The following WDR59 variants were observed in gnomAD, a reference collection of about 807,000 sequenced individuals.
WDR59 encodes WD repeat domain 59, also known as GATOR2 complex protein WDR59.
A neutral mutation model predicts 131.2 loss-of-function variants in WDR59; 100 were observed. That is an observed-to-expected ratio of 0.76 (90% CI 0.65 to 0.90). The LOEUF (loss-of-function observed/expected upper bound fraction) is 0.90. WDR59 is among the 40% of genes least tolerant of loss of function. The pLI is 0.00. For synonymous variants in WDR59, 601 were observed against 466.2 expected (o/e 1.29, Z -3.72); for missense variants, 1,203 against 1,262.2 (o/e 0.95, Z 0.71).
At chr16:74,905,927 C>T (rs1965786022) in intron 17 of WDR59, among the ~76,000 whole-genome samples, 1 of 152,066 alleles carries the variant, frequency 6.6e-6, no homozygotes, top group East Asian at 1.9e-4. Flanking sequence ...AAATACTTAA[C>T]AAGCACATCA....
chr16:74,943,694 G>A (rs1338920957), intron 6 of WDR59, among the ~76,000 whole-genome samples: 1 of 152,132 alleles, frequency 6.6e-6, no homozygotes, highest in Admixed American at 6.6e-5. Context: ...CATTACTGCT[G>A]TGACACCTGT....
At position 74,893,829 on chromosome 16, in the gene WDR59, G is replaced by C. The variant is rs373059565; in HGVS notation, c.1867-17C>G. On this transcript the variant is annotated splice_polypyrimidine_tract_variant and intron_variant, in intron 18 of 25. Transcript: ENST00000262144. Reference sequence around the variant, plus strand: ...TCTTGATTTCTAGGGGTAGATGACAGGATGTAACTAATGGGGACTTTGACA... The same window carrying C: ...TCTTGATTTCTAGGGGTAGATGACACGATGTAACTAATGGGGACTTTGACA... 166 of 1,612,964 alleles carry C rather than the reference G, an allele frequency of 1.0e-4. No individual in the cohort carries two copies. The highest frequency in any genetic ancestry group is 3.3e-4 in the Middle Eastern group (2 of 6,084).
At chr16:74,955,684 T>C in intron 3 of WDR59, among the ~76,000 whole-genome samples, 1 of 152,154 alleles carries the variant, frequency 6.6e-6, no homozygotes, top group East Asian at 1.9e-4. Flanking sequence ...GCTCAGTTGC[T>C]TTCCTTCTGC....
At chr16:74,915,770 G>C in intron 13 of WDR59, 100 bp downstream of exon 13, 1 of 1,544,064 alleles carries the variant, frequency 6.5e-7, no homozygotes, top group Non-Finnish European at 8.9e-7. Context: ...TTCTGTTAAA[G>C]CTGCAAAGCT....
chr16:74,903,978 A>C lies in WDR59; in HGVS notation c.1835T>G (p.Val612Gly), dbSNP rs1336646671. 1 of 1,610,120 alleles carries C rather than the reference A, an allele frequency of 6.2e-7. No individual in the cohort carries two copies. The highest frequency in any genetic ancestry group is 1.7e-5 in the Admixed American group (1 of 59,670). Residue 612 changes from valine (V) to glycine (G), a missense_variant, in exon 18 of 26, where the codon GTC becomes GGC. Coordinates refer to ENST00000262144, the MANE Select transcript of WDR59 (RefSeq NM_030581.4). The part of the protein sequence containing the change: ...GSPTRSEKEQ[V>G]SISSFYYKER... ...CTTGTAGTAGAAGGAGCTGATGGAGACCTGCTCTTTCTCGCTGCGAGTGGG... is the reference window on the plus strand; with the variant it reads ...CTTGTAGTAGAAGGAGCTGATGGAGCCCTGCTCTTTCTCGCTGCGAGTGGG...
At chr16:74,901,594 G>A (rs1411572932) in intron 18 of WDR59, among the ~76,000 whole-genome samples, 1 of 150,930 alleles carries the variant, frequency 6.6e-6, no homozygotes, top group Admixed American at 6.6e-5. Context: ...AGTGAGCCAT[G>A]TTCACACCAC....
rs1430260946 is a variant in WDR59, at chr16:74,918,099, T to C, written c.887-91A>G. ...AAATGGAGTGAGATTCATCCATCCA[T>C]TCAACAAACATCTACTGAACATTTC... On this transcript the variant is annotated intron_variant, in intron 10 of 25. Transcript: ENST00000262144. The C allele has an allele frequency of 8.8e-6, 11 of 1,249,930 alleles. No individual in the cohort carries two copies. In the East Asian group the frequency reaches 2.3e-4, roughly 27 times the overall value. The allele number at this position is 1,249,930 out of a possible 1,614,324, so 77.4% of individuals were successfully genotyped here. A position where few individuals can be genotyped will look rare whatever the true frequency, so the allele number is the denominator to read the frequency against.
chr16:74,907,260 T>G (rs901008042), intron 17 of WDR59, among the ~76,000 whole-genome samples: 1 of 152,176 alleles, frequency 6.6e-6, no homozygotes, highest in African/African-American at 2.4e-5. Flanking sequence ...ATAACTGATA[T>G]GGTTAGGCTT....
At chr16:74,892,284 C>A (rs1261016156) in intron 20 of WDR59, among the ~76,000 whole-genome samples, 200 bp downstream of exon 20, 3 of 152,140 alleles carry the variant, frequency 2.0e-5, no homozygotes, top group African/African-American at 7.2e-5. Flanking sequence ...GCTTTAGGAC[C>A]TTCCCAACTG....
chr16:74,972,495 C>A (rs1041938608), intron 1 of WDR59, among the ~76,000 whole-genome samples: 2 of 152,062 alleles, frequency 1.3e-5, no homozygotes, highest in African/African-American at 4.8e-5. Context: ...TAGCCTGGTG[C>A]AGCAGAAACG....
At chr16:74,969,322 G>C (rs2145208066) in intron 1 of WDR59, among the ~76,000 whole-genome samples, 1 of 152,298 alleles carries the variant, frequency 6.6e-6, no homozygotes, top group East Asian at 1.9e-4. Context: ...ACCCAGGCTG[G>C]AGTGCAATGG....
chr16:74,910,503 T>G (rs886608360), intron 14 of WDR59, among the ~76,000 whole-genome samples: 1 of 152,198 alleles, frequency 6.6e-6, no homozygotes, highest in African/African-American at 2.4e-5. Context: ...TTCTTTCTAG[T>G]GAACTCTGCC....
chr16:74,893,684 C>A lies in WDR59; in HGVS notation c.1995G>T (p.Leu665=), dbSNP rs748707497. 1.9e-6 allele frequency: 3 copies of A among 1,613,742 alleles called. No homozygotes were observed. The African/African-American group carries it at 4.0e-5, about 22-fold the overall frequency. Reference sequence around the variant, plus strand: ...ACTTGAAATTTTGTACTTACATGTACAGCTCTCCCAGCGATTTGTGAACAG... The same window carrying A: ...ACTTGAAATTTTGTACTTACATGTAAAGCTCTCCCAGCGATTTGTGAACAG... ...LLPVHKSLGE[L]YILNVNDIQE... is the part of the protein sequence containing the mutation. Residue 665 remains leucine (L), a synonymous_variant, in exon 19 of 26, where the codon CTG becomes CTT. Coordinates refer to ENST00000262144, the MANE Select transcript of WDR59 (RefSeq NM_030581.4).
intron 13 of WDR59, chr16:74,915,601 A>T: frequency 4.4e-6 from 1 of 228,798 alleles, no homozygotes; most frequent in Non-Finnish European, 8.5e-6. Context: ...TTTTAAGTGG[A>T]GACAGGGTTT....
intron 1 of WDR59, among the ~76,000 whole-genome samples, chr16:74,979,782 G>A (rs2034325786): frequency 2.8e-5 from 4 of 141,692 alleles, no homozygotes; most frequent in South Asian, 4.6e-4. Context: ...CTCAAGATCC[G>A]CCTGCCTCAG....
chr16:74,954,744 T>C (rs1348071465), intron 3 of WDR59, among the ~76,000 whole-genome samples: 1 of 152,188 alleles, frequency 6.6e-6, no homozygotes, highest in Admixed American at 6.5e-5. Flanking sequence ...GATGGACGGA[T>C]AGATAAACAA....
intron 3 of WDR59, among the ~76,000 whole-genome samples, chr16:74,954,748 T>C (rs1307354275): frequency 2.0e-5 from 3 of 152,194 alleles, no homozygotes; most frequent in Non-Finnish European, 4.4e-5. Flanking sequence ...GACGGATAGA[T>C]AAACAATTAC....
chr16:74,936,338 G>GA (rs1200641343), intron 8 of WDR59, among the ~76,000 whole-genome samples: 5 of 151,820 alleles, frequency 3.3e-5, no homozygotes, highest in Non-Finnish European at 7.4e-5. Context: ...TATATATAAA[G>GA]AAAAAATATA....
intron 3 of WDR59, among the ~76,000 whole-genome samples, chr16:74,955,810 A>C (rs543321907): frequency 6.6e-6 from 1 of 152,290 alleles, no homozygotes; most frequent in South Asian, 2.1e-4. Flanking sequence ...AAAAGAGCAA[A>C]AAGTTTAGAT....
Sources: gnomAD v4.1 joint callset for allele counts (sites outside exome capture counted in the v4.1 genomes callset) on GRCh38, gnomAD v4.1.1 for gene constraint, MANE v1.5 for transcripts, NCBI Gene and HGNC (gene_info 2026-07-23, HGNC 2026-07-21) for gene names.